The following ZGRF1 variants were observed in gnomAD, a reference collection of about 807,000 sequenced individuals.
The protein encoded by ZGRF1 is zinc finger GRF-type containing 1.
In ZGRF1, 196 loss-of-function variants were observed where a neutral mutation model predicts 203.5. That is an observed-to-expected ratio of 0.96 (90% CI 0.86 to 1.08). The LOEUF is 1.08. Among genes scored for constraint, ZGRF1 ranks in the 50% least tolerant of loss-of-function variants. The probability of loss-of-function intolerance (pLI) is 0.00; values close to 1 mark genes in which losing one functional copy is unlikely to be tolerated. For synonymous variants in ZGRF1, 809 were observed against 841.3 expected (o/e 0.96, Z 0.66); for missense variants, 2,326 against 2,416.3 (o/e 0.96, Z 0.78).
chr4:112,585,517 T>C, intron 14 of ZGRF1, 24 bp downstream of exon 14: 1 of 1,588,610 alleles, frequency 6.3e-7, no homozygotes, highest in Admixed American at 1.8e-5. Context: ...TTTGGTATGG[T>C]AGGGGGAGGG....
At chr4:112,630,849 T>C (rs1344378055) in intron 3 of ZGRF1, among the ~76,000 whole-genome samples, 1 of 149,926 alleles carries the variant, frequency 6.7e-6, no homozygotes, top group Admixed American at 6.7e-5. Context: ...ATCATGCCAC[T>C]GCACTCCAAC....
At chr4:112,548,042 A>G (rs1739150387) in intron 23 of ZGRF1, among the ~76,000 whole-genome samples, 1 of 152,034 alleles carries the variant, frequency 6.6e-6, no homozygotes, top group East Asian at 1.9e-4. Flanking sequence ...CCTGGGCTCA[A>G]ACAATCCTCC....
At chr4:112,636,054 G>A (rs1204629937) in intron 1 of ZGRF1, among the ~76,000 whole-genome samples, 1 of 151,856 alleles carries the variant, frequency 6.6e-6, no homozygotes, top group East Asian at 1.9e-4. Flanking sequence ...TCTTATCTTA[G>A]TATTAATCAG....
chr4:112,582,267 T>G (rs1707666839), intron 15 of ZGRF1, among the ~76,000 whole-genome samples: 1 of 150,706 alleles, frequency 6.6e-6, no homozygotes, highest in Non-Finnish European at 1.5e-5. Flanking sequence ...TATTGTTAAC[T>G]ATAATTTCCC....
rs537983730 is a variant in ZGRF1, at chr4:112,629,087, C to T, written c.102+2843G>A. Among the ~76,000 whole-genome samples, 4 of 152,246 alleles carry T rather than the reference C, an allele frequency of 2.6e-5. No homozygotes were observed. The South Asian group carries it at 6.2e-4, about 24-fold the overall frequency. On this transcript the variant is annotated intron_variant, in intron 3 of 27. Transcript: ENST00000505019. Reference sequence around the variant, plus strand: ...TGTTACTACAATTAAACACAAGGCTCGACATGTCCCTTGGTGATGGTGTTC... The same window carrying T: ...TGTTACTACAATTAAACACAAGGCTTGACATGTCCCTTGGTGATGGTGTTC...
intron 14 of ZGRF1, 27 bp from the exon 15 acceptor site, chr4:112,584,201 T>A: frequency 6.8e-7 from 1 of 1,470,626 alleles, no homozygotes; most frequent in Non-Finnish European, 9.1e-7. Context: ...AAGATCAACA[T>A]TTAGTGAAAA....
At chr4:112,551,909 T>C (rs1430162339) in intron 22 of ZGRF1, among the ~76,000 whole-genome samples, 1 of 152,246 alleles carries the variant, frequency 6.6e-6, no homozygotes, top group African/African-American at 2.4e-5. Context: ...ATTTTGTTAC[T>C]GACCTAGCAA....
At chr4:112,616,954 G>C (rs2046897540) in intron 6 of ZGRF1, among the ~76,000 whole-genome samples, 1 of 151,918 alleles carries the variant, frequency 6.6e-6, no homozygotes, top group Non-Finnish European at 1.5e-5. Context: ...GTATTCCCTA[G>C]TACCTGTCCA....
In ZGRF1 at chr4:112,618,968, A is replaced by G; in HGVS notation, c.1074T>C (p.Asp358=). 6.2e-7 allele frequency: 1 copy of G among 1,613,798 alleles called. No individual in the cohort carries two copies. The highest frequency in any genetic ancestry group is 1.1e-5 in the South Asian group (1 of 91,030). ...AAAGGTCTTTCAAATTAGAATTTAC[A>G]TCATCTTCCTGGGCCTTGGGTTTCC... is the stretch of plus-strand genomic sequence containing the variant. ...TERKPKAQED[D]VNSNLKDLSL... The change falls in exon 6 of 28, where the codon GAT becomes GAC. Residue 358 remains aspartate, a synonymous_variant. Transcript: ENST00000505019.
chr4:112,579,528 G>A lies in ZGRF1; in HGVS notation c.4438+2135C>T, dbSNP rs1360293331. Among the ~76,000 whole-genome samples, 9 of 122,244 alleles carry A rather than the reference G, an allele frequency of 7.4e-5. 3 individuals carry two copies. Among genetic ancestry groups the A allele is most frequent in the Non-Finnish European group, 1.5e-4 (8 of 54,854 alleles). 80.2% of individuals were successfully genotyped at this position (122,244 alleles called of 152,430 possible). A position where few individuals can be genotyped will look rare whatever the true frequency, so the allele number is the denominator to read the frequency against. On this transcript the variant is annotated intron_variant, in intron 16 of 27. Coordinates refer to ENST00000505019, the MANE Select transcript of ZGRF1 (RefSeq NM_018392.5). ...GATTGTATATCTAGAAAACCACATC[G>A]TCTCAGCCCAAAATCTCCTTAAGCT...
In ZGRF1 at chr4:112,551,591, G is replaced by A. The variant is rs565463416; in HGVS notation, c.5346+2244C>T. 6.6e-5 allele frequency among the ~76,000 whole-genome samples: 10 copies of A among 152,094 alleles called. No individual in the cohort carries two copies. The South Asian group carries it at 2.1e-3, about 32-fold the overall frequency. ...TGTATCAGTTAGGTTTTCTTCTTTT[G>A]TTAAAAACAAAAACAAAAATCTTAA... On this transcript the variant is annotated intron_variant, in intron 22 of 27. Coordinates refer to ENST00000505019, the MANE Select transcript of ZGRF1 (RefSeq NM_018392.5).
intron 16 of ZGRF1, among the ~76,000 whole-genome samples, chr4:112,566,029 A>G (rs1424298867): frequency 2.0e-5 from 3 of 152,210 alleles, no homozygotes; most frequent in Non-Finnish European, 2.9e-5. Context: ...TCATGCTGCT[A>G]TAAAGACACA....
At chr4:112,588,853 G>A (rs750238289) in intron 11 of ZGRF1, among the ~76,000 whole-genome samples, 2 of 152,034 alleles carry the variant, frequency 1.3e-5, no homozygotes, top group African/African-American at 4.8e-5. Flanking sequence ...CTAACAAGTC[G>A]ATCAAGTAAC....
chr4:112,566,310 A>T (rs927307378), intron 16 of ZGRF1, among the ~76,000 whole-genome samples: 2 of 131,976 alleles, frequency 1.5e-5, no homozygotes, highest in Non-Finnish European at 3.1e-5. Context: ...TGGACACAGG[A>T]AGGGGAACAT....
At position 112,629,293 on chromosome 4, in the gene ZGRF1, C is replaced by T. The variant is rs55977824; in HGVS notation, c.102+2637G>A. ...TGGATATAGAGATAATGAAGTAATT[C>T]GAAACAAAAATATCAATACTTTTGA... On this transcript the variant is annotated intron_variant, in intron 3 of 27. Transcript: ENST00000505019. Among the ~76,000 whole-genome samples, 326 of 152,228 alleles carry T rather than the reference C, an allele frequency of 2.1e-3. 1 individual carries two copies. Among genetic ancestry groups the T allele is most frequent in the African/African-American group, 7.5e-3 (313 of 41,528 alleles).
At chr4:112,549,345 G>A (rs368543071) in intron 22 of ZGRF1, among the ~76,000 whole-genome samples, 2 of 152,236 alleles carry the variant, frequency 1.3e-5, no homozygotes, top group African/African-American at 2.4e-5. Flanking sequence ...CTAGTAGCCC[G>A]CTATCTATAC....
At chr4:112,544,665 CAGAAAATGAA>C (rs935167725) in intron 24 of ZGRF1, among the ~76,000 whole-genome samples, 108 of 152,136 alleles carry the variant, frequency 7.1e-4, no homozygotes, top group African/African-American at 2.5e-3. Flanking sequence ...GCATGAACAC[CAGAAAATGAA>C]ACAAGAATGG....
chr4:112,548,458 G>A, intron 22 of ZGRF1, 78 bp from the exon 23 acceptor site: 1 of 1,202,310 alleles, frequency 8.3e-7, no homozygotes, highest in Non-Finnish European at 1.1e-6. Flanking sequence ...AGAACTTGTA[G>A]GCTAAAATTA....
chr4:112,585,833 T>C lies in ZGRF1; in HGVS notation c.3917-108A>G, dbSNP rs139560833. 805 of 617,764 alleles carry C rather than the reference T, an allele frequency of 1.3e-3. 12 individuals are homozygous for C. The African/African-American group carries it at 0.013, about 10-fold the overall frequency. The allele number at this position is 617,764 out of a possible 1,614,324, so 38.3% of individuals were successfully genotyped here. On this transcript the variant is annotated intron_variant, in intron 13 of 27. Coordinates refer to ENST00000505019, the MANE Select transcript of ZGRF1 (RefSeq NM_018392.5). ...TTTGAATAGCCTTTAAACAGAGTCA[T>C]ATAATAGGAATATCCGTTTTTAAAA...
Sources: allele counts gnomAD v4.1 joint callset (sites outside exome capture counted in the v4.1 genomes callset), GRCh38; gene constraint gnomAD v4.1.1; transcripts MANE v1.5; gene names NCBI Gene and HGNC (gene_info 2026-07-23, HGNC 2026-07-21).